CCBE1: variants seen among roughly 807,000 people sequenced by gnomAD.
CCBE1 encodes the protein collagen and calcium binding EGF domains 1.
In CCBE1, 37 loss-of-function variants were observed where a neutral mutation model predicts 50.0. The observed-to-expected ratio is 0.74, with a 90% CI of 0.57 to 0.97. CCBE1 has a LOEUF of 0.97. Among genes scored for constraint, CCBE1 ranks in the 50% least tolerant of loss-of-function variants. The pLI is 0.00. For synonymous variants in CCBE1, 234 were observed against 203.7 expected (o/e 1.15, Z -1.27); for missense variants, 538 against 523.8 (o/e 1.03, Z -0.26).
chr18:59,495,795 A>G (rs1913329337), intron 2 of CCBE1, among the ~76,000 whole-genome samples: 1 of 152,038 alleles, frequency 6.6e-6, no homozygotes, highest in Non-Finnish European at 1.5e-5. Context: ...ACGAGGGGGC[A>G]CTGCGGCCGC....
chr18:59,499,848 G>A (rs1913532854), intron 2 of CCBE1, among the ~76,000 whole-genome samples: 2 of 152,170 alleles, frequency 1.3e-5, no homozygotes, highest in Admixed American at 1.3e-4. Flanking sequence ...GCCTGTTTGT[G>A]TGTGGTGGTG....
At position 59,677,157 on chromosome 18, in the gene CCBE1, T is replaced by C. The variant is rs957261375; in HGVS notation, c.212+19472A>G. Among the ~76,000 whole-genome samples, 4 of 152,270 alleles carry C rather than the reference T, an allele frequency of 2.6e-5. No homozygotes were observed. In the East Asian group the frequency reaches 5.8e-4, roughly 22 times the overall value. On this transcript the variant is annotated intron_variant, in intron 2 of 10. Coordinates refer to ENST00000439986, the MANE Select transcript of CCBE1 (RefSeq NM_133459.4). The stretch of plus-strand genomic sequence containing the variant: ...AGTTAAGACAGGAAGCAAAGAACAG[T>C]TGCAATATTCCAGGCCAAAGATGAC...
intron 2 of CCBE1, among the ~76,000 whole-genome samples, chr18:59,644,821 T>C (rs1248081011): frequency 6.6e-6 from 1 of 152,194 alleles, no homozygotes; most frequent in Non-Finnish European, 1.5e-5. Context: ...TCCTACATTT[T>C]AAAAAAGTCA....
intron 2 of CCBE1, among the ~76,000 whole-genome samples, chr18:59,498,804 G>C (rs1913476329): frequency 6.6e-6 from 1 of 152,150 alleles, no homozygotes; most frequent in Non-Finnish European, 1.5e-5. Context: ...TGATAAGATT[G>C]ATAAACAGAT....
chr18:59,529,810 AGCCCCTGGTG>A (rs1194495968), intron 2 of CCBE1, among the ~76,000 whole-genome samples: 1 of 152,084 alleles, frequency 6.6e-6, no homozygotes, highest in Non-Finnish European at 1.5e-5. Context: ...GGCCCCTCCT[AGCCCCTGGTG>A]GCATTGAAAT....
intron 2 of CCBE1, among the ~76,000 whole-genome samples, chr18:59,628,887 A>C (rs2053819323): frequency 6.6e-6 from 1 of 152,166 alleles, no homozygotes; most frequent in Non-Finnish European, 1.5e-5. Context: ...AGCAAGTCCT[A>C]TTAGTACCAC....
intron 2 of CCBE1, among the ~76,000 whole-genome samples, chr18:59,637,078 C>T (rs1488444813): frequency 6.6e-6 from 1 of 152,120 alleles, no homozygotes; most frequent in Non-Finnish European, 1.5e-5. Context: ...CAATGCATTA[C>T]CTTAAGAAAA....
chr18:59,448,049 T>C lies in CCBE1; in HGVS notation c.709A>G (p.Lys237Glu). 2 of 1,614,130 alleles carry C rather than the reference T, an allele frequency of 1.2e-6. No individual in the cohort carries two copies. The highest frequency in any genetic ancestry group is 8.5e-7 in the Non-Finnish European group (1 of 1,180,036). ...AGGTAGGTGTTTGAGGCCAGCACCT[T>C]GTCACCAGTGATATACTTGCCCAGG... ...ADLGKYITGDKVLASNTYLPG... is the reference protein window; with the variant it reads ...ADLGKYITGDEVLASNTYLPG... The change falls in exon 7 of 11, where the codon AAG becomes GAG. Residue 237 changes from lysine (K) to glutamate (E), a missense_variant. Physicochemically the swap from Lys to Glu is moderately conservative, Grantham distance 56. Transcript: ENST00000439986.
intron 2 of CCBE1, among the ~76,000 whole-genome samples, chr18:59,650,553 T>TA (rs770597838): frequency 8.6e-5 from 13 of 151,784 alleles, no homozygotes; most frequent in Non-Finnish European, 4.4e-5. Context: ...CACCAGCTTA[T>TA]ACTAAGTGCA....
intron 2 of CCBE1, among the ~76,000 whole-genome samples, chr18:59,679,067 A>G (rs1244107063): frequency 6.6e-6 from 1 of 152,178 alleles, no homozygotes; most frequent in African/African-American, 2.4e-5. Flanking sequence ...TTTGGAGTCA[A>G]ATGCATGAAC....
intron 2 of CCBE1, among the ~76,000 whole-genome samples, chr18:59,506,193 G>T (rs1485707062): frequency 6.6e-6 from 1 of 152,198 alleles, no homozygotes; most frequent in East Asian, 1.9e-4. Context: ...GGAGAAGGTG[G>T]TCACGTAAAG....
intron 2 of CCBE1, among the ~76,000 whole-genome samples, chr18:59,638,139 G>A (rs2053939018): frequency 6.6e-6 from 1 of 152,102 alleles, no homozygotes; most frequent in Non-Finnish European, 1.5e-5. Context: ...GTTTAACTTA[G>A]GAATGCAGAG....
In CCBE1 at chr18:59,508,711, C is replaced by CTTTTTTTTTTTTTTTTTTTTTTTT. The variant is rs55881131; in HGVS notation, c.213-28474_213-28473insAAAAAAAAAAAAAAAAAAAAAAAA. Among the ~76,000 whole-genome samples the CTTTTTTTTTTTTTTTTTTTTTTTT allele has an allele frequency of 9.4e-5, 9 of 95,692 alleles. 2 individuals are homozygous for CTTTTTTTTTTTTTTTTTTTTTTTT. Among genetic ancestry groups the CTTTTTTTTTTTTTTTTTTTTTTTT allele is most frequent in the African/African-American group, 4.1e-4 (9 of 22,086 alleles). 62.8% of individuals were successfully genotyped at this position (95,692 alleles called of 152,430 possible). A position where few individuals can be genotyped will look rare whatever the true frequency, so the allele number is the denominator to read the frequency against. ...AGCACAGTACACACATAGAGTTACG[C>CTTTTTTTTTTTTTTTTTTTTTTTT]TTTTTTTTTTTTTTTTTTTTTTGAG... On this transcript the variant is annotated intron_variant, in intron 2 of 10. Transcript: ENST00000439986.
chr18:59,514,618 G>GT (rs5825344), intron 2 of CCBE1, among the ~76,000 whole-genome samples: 76,602 of 120,028 alleles, frequency 0.64, 25,320 homozygotes, highest in Non-Finnish European at 0.77. Context: ...ATGCTCTCCT[G>GT]TTTTTTTTTT....
intron 7 of CCBE1, among the ~76,000 whole-genome samples, chr18:59,443,697 G>A (rs1222149535): frequency 2.0e-5 from 3 of 152,110 alleles, no homozygotes; most frequent in African/African-American, 4.8e-5. Flanking sequence ...TTGAACTCCT[G>A]ACCTCAAGTG....
chr18:59,470,665 AT>A lies in CCBE1; in HGVS notation c.266-1059del, dbSNP rs556068116. On this transcript the variant is annotated intron_variant, in intron 3 of 10. Transcript: ENST00000439986. ...CTCAGTTCCTATGAACTGATATGTA[AT>A]GAGCCTCTGAAGGGACTTTGGCTCT... 1.7e-4 allele frequency among the ~76,000 whole-genome samples: 26 copies of A among 152,238 alleles called. No individual in the cohort carries two copies. In the South Asian group the frequency reaches 5.4e-3, roughly 32 times the overall value.
intron 2 of CCBE1, among the ~76,000 whole-genome samples, chr18:59,514,973 G>A (rs1914305801): frequency 6.6e-6 from 1 of 152,138 alleles, no homozygotes; most frequent in Admixed American, 6.5e-5. Context: ...TTTTATGTTT[G>A]CAAAGCTGAG....
At chr18:59,671,398 T>C (rs890425399) in intron 2 of CCBE1, among the ~76,000 whole-genome samples, 1 of 150,752 alleles carries the variant, frequency 6.6e-6, no homozygotes, top group African/African-American at 2.4e-5. Context: ...CCTGGGAGGC[T>C]AAAGTGGGAA....
At chr18:59,535,279 T>C in intron 2 of CCBE1, among the ~76,000 whole-genome samples, 1 of 152,206 alleles carries the variant, frequency 6.6e-6, no homozygotes, top group Non-Finnish European at 1.5e-5. Context: ...AAGCATGGAC[T>C]TACTGAAGGG....
Sources: gnomAD v4.1 joint callset for allele counts (sites outside exome capture counted in the v4.1 genomes callset) on GRCh38, gnomAD v4.1.1 for gene constraint, MANE v1.5 for transcripts, NCBI Gene and HGNC (gene_info 2026-07-23, HGNC 2026-07-21) for gene names.